Variants in CFAP299 observed in about 807,000 individuals in gnomAD.
CFAP299 encodes the protein cilia- and flagella-associated protein 299.
In CFAP299, 21 loss-of-function variants were observed where a neutral mutation model predicts 27.0. The ratio of observed to expected loss-of-function variants is 0.78; its 90% CI spans 0.55 to 1.12. The LOEUF (loss-of-function observed/expected upper bound fraction) is 1.12, where lower values mean the gene tolerates loss of function less well. Ranked by LOEUF, CFAP299 falls within the 50% of genes most tolerant of loss-of-function variation. The pLI is 0.00. For missense variants in CFAP299, 310 were observed against 276.6 expected (o/e 1.12, Z -0.86); for synonymous variants, 104 against 98.1 (o/e 1.06, Z -0.36).
chr4:80,836,583 C>T (rs1481917216), intron 3 of CFAP299, among the ~76,000 whole-genome samples: 1 of 152,114 alleles, frequency 6.6e-6, no homozygotes, highest in East Asian at 1.9e-4. Context: ...AAAGGTTGTT[C>T]CTCTTATAAG....
chr4:80,668,791 A>T (rs1286156147), intron 3 of CFAP299, among the ~76,000 whole-genome samples: 2 of 152,026 alleles, frequency 1.3e-5, no homozygotes, highest in Non-Finnish European at 2.9e-5. Context: ...ACTTACTTTG[A>T]CTACTCGAAG....
At chr4:80,669,410 C>T (rs1741342898) in intron 3 of CFAP299, among the ~76,000 whole-genome samples, 1 of 151,738 alleles carries the variant, frequency 6.6e-6, no homozygotes, top group Non-Finnish European at 1.5e-5. Context: ...GCTTAGACCT[C>T]CTAAAGTGCT....
chr4:80,729,407 T>C (rs1489697603), intron 3 of CFAP299, among the ~76,000 whole-genome samples: 1 of 152,110 alleles, frequency 6.6e-6, no homozygotes, highest in East Asian at 1.9e-4. Flanking sequence ...TGTGACTCAC[T>C]TCTAACATAT....
chr4:80,443,394 G>A (rs138900731), intron 2 of CFAP299, among the ~76,000 whole-genome samples: 2,200 of 152,198 alleles, frequency 0.014, 61 homozygotes, highest in African/African-American at 0.049. Flanking sequence ...GTCAATAAAC[G>A]TAATCCATCA....
rs139664173 is a variant in CFAP299, at chr4:80,946,333, T to C, written c.606+1394T>C. Among the ~76,000 whole-genome samples the C allele has an allele frequency of 4.1e-3, 622 of 152,254 alleles. 4 individuals carry two copies. The highest frequency in any genetic ancestry group is 0.013 in the African/African-American group (538 of 41,566). On this transcript the variant is annotated intron_variant, in intron 5 of 5. Transcript: ENST00000358105. ...ATCTGGGCCAGGGTGATCCTCATTT[T>C]CTTGGGCCAAAATAGGTCTCCAGCC...
Position 80,533,394 on chromosome 4 carries a change from A to G in CFAP299, c.243-49699A>G, listed in dbSNP as rs528709900. ...GTGTGGAATTCTAGGATTCCTTTTT[A>G]TAAGTTCTTTTACTGGAATGTTCCA... On this transcript the variant is annotated intron_variant, in intron 2 of 5. Transcript: ENST00000358105. 7.9e-5 allele frequency among the ~76,000 whole-genome samples: 12 copies of G among 152,344 alleles called. 1 individual carries two copies. In the East Asian group the frequency reaches 2.3e-3, roughly 29 times the overall value.
rs550414533 is a variant in CFAP299 at position 80,572,507 on chromosome 4, GTTTTT to G, written c.243-10562_243-10558del. Among the ~76,000 whole-genome samples the G allele has an allele frequency of 8.7e-3, 318 of 36,384 alleles. 4 individuals carry two copies. Among genetic ancestry groups the G allele is most frequent in the Admixed American group, 0.013 (24 of 1,818 alleles). 23.9% of individuals were successfully genotyped at this position (36,384 alleles called of 152,430 possible). A position where few individuals can be genotyped will look rare whatever the true frequency, so the allele number is the denominator to read the frequency against. On this transcript the variant is annotated intron_variant, in intron 2 of 5. Coordinates refer to ENST00000358105, the MANE Select transcript of CFAP299 (RefSeq NM_152770.3). Reference sequence around the variant, plus strand: ...TGTTGTTGCACATGACTGGATCCCAGTTTTTTTTTTTTTTTTTTTTTTTTTTTTGA... The same window carrying G: ...TGTTGTTGCACATGACTGGATCCCAGTTTTTTTTTTTTTTTTTTTTTTTGA...
chr4:80,388,103 C>A (rs995959601), intron 2 of CFAP299: 4 of 688,926 alleles, frequency 5.8e-6, no homozygotes, highest in African/African-American at 3.5e-5. Context: ...CTTCACCACA[C>A]CATTCCCACC....
the CFAP299 span, among the ~76,000 whole-genome samples, chr4:80,326,269 A>G: frequency 6.6e-6 from 1 of 152,034 alleles, no homozygotes; most frequent in Non-Finnish European, 1.5e-5. Flanking sequence ...GTGTGTGTGT[A>G]TGTCTGTATC....
At chr4:80,436,825 A>G (rs1728107904) in intron 2 of CFAP299, among the ~76,000 whole-genome samples, 1 of 152,212 alleles carries the variant, frequency 6.6e-6, no homozygotes, top group Non-Finnish European at 1.5e-5. Flanking sequence ...AGCATGTGAC[A>G]TAAGGGAGAA....
chr4:80,845,874 A>T (rs770338868), intron 3 of CFAP299, among the ~76,000 whole-genome samples: 4 of 152,148 alleles, frequency 2.6e-5, no homozygotes, highest in Non-Finnish European at 4.4e-5. Flanking sequence ...ATTGTGACTT[A>T]TTTATTATTG....
chr4:80,388,315 C>T, intron 2 of CFAP299: 1 of 687,158 alleles, frequency 1.5e-6, no homozygotes, highest in Non-Finnish European at 2.7e-6. Flanking sequence ...CATTGCTTAC[C>T]AAGATGTTCC....
At chr4:80,736,944 A>C (rs896996303) in intron 3 of CFAP299, among the ~76,000 whole-genome samples, 1 of 152,224 alleles carries the variant, frequency 6.6e-6, no homozygotes, top group Non-Finnish European at 1.5e-5. Flanking sequence ...CTGGATTAAG[A>C]AAATGTGGCA....
intron 4 of CFAP299, among the ~76,000 whole-genome samples, chr4:80,876,077 G>A (rs1175151981): frequency 6.6e-6 from 1 of 150,980 alleles, no homozygotes; most frequent in East Asian, 1.9e-4. Flanking sequence ...ACTGTGCATA[G>A]TACTAATTAA....
At chr4:80,847,013 C>T (rs973570481) in intron 3 of CFAP299, among the ~76,000 whole-genome samples, 4 of 152,152 alleles carry the variant, frequency 2.6e-5, no homozygotes, top group South Asian at 2.1e-4. Flanking sequence ...ACAAAAATCC[C>T]TTTGGTCAGA....
intron 2 of CFAP299, among the ~76,000 whole-genome samples, chr4:80,464,862 T>C (rs889293264): frequency 2.6e-5 from 4 of 152,138 alleles, no homozygotes; most frequent in African/African-American, 9.7e-5. Context: ...TTTCAGTGAA[T>C]ATTTTTATGT....
At chr4:80,583,017 C>A in intron 2 of CFAP299, 76 bp from the exon 3 acceptor site, 2 of 805,854 alleles carry the variant, frequency 2.5e-6, no homozygotes, top group Non-Finnish European at 3.9e-6. Context: ...CTTAAAGAAG[C>A]ATTGTTGTTG....
chr4:80,725,111 A>ATTTTTTTT lies in CFAP299; in HGVS notation c.333+141946_333+141953dup, dbSNP rs70956062. On this transcript the variant is annotated intron_variant, in intron 3 of 5. Transcript: ENST00000358105. ...AGGCATGCACCACCATGCCTGGCCA[A>ATTTTTTTT]TTTTTTTTTTTTTTTTTTTTTTTTT... Among the ~76,000 whole-genome samples the ATTTTTTTT allele has an allele frequency of 2.9e-3, 256 of 88,530 alleles. 6 individuals carry two copies. The highest frequency in any genetic ancestry group is 3.5e-3 in the Non-Finnish European group (172 of 49,400). 58.1% of individuals were successfully genotyped at this position (88,530 alleles called of 152,430 possible).
intron 4 of CFAP299, chr4:80,872,139 G>A (rs1733131051): frequency 6.6e-6 from 1 of 151,840 alleles, no homozygotes; most frequent in East Asian, 1.9e-4. Flanking sequence ...CCTATAAACT[G>A]ATTTGATTAA....
Sources: allele counts gnomAD v4.1 joint callset (sites outside exome capture counted in the v4.1 genomes callset), GRCh38; gene constraint gnomAD v4.1.1; transcripts MANE v1.5; gene names NCBI Gene and HGNC (gene_info 2026-07-23, HGNC 2026-07-21).